GRIK1: variants seen among roughly 807,000 people sequenced by gnomAD.
GRIK1 encodes glutamate ionotropic receptor kainate type subunit 1, also known as glutamate receptor ionotropic, kainate 1.
Under a neutral mutation model 105.7 loss-of-function variants are expected in GRIK1, and 69 were observed. The ratio of observed to expected loss-of-function variants is 0.65; its 90% CI spans 0.54 to 0.80. The LOEUF (loss-of-function observed/expected upper bound fraction) is 0.80. Among genes scored for constraint, GRIK1 ranks in the 30% least tolerant of loss-of-function variants. The pLI is 0.00. For synonymous variants in GRIK1, 438 were observed against 431.3 expected (o/e 1.02, Z -0.19); for missense variants, 1,109 against 1,167.3 (o/e 0.95, Z 0.73).
At chr21:29,890,240 C>T (rs1415523726) in intron 1 of GRIK1, among the ~76,000 whole-genome samples, 1 of 152,122 alleles carries the variant, frequency 6.6e-6, no homozygotes, top group East Asian at 1.9e-4. Context: ...AACTGATAAA[C>T]TTCTTTTTAC....
intron 1 of GRIK1, among the ~76,000 whole-genome samples, chr21:29,888,792 A>T (rs1388303461): frequency 6.6e-6 from 1 of 152,190 alleles, no homozygotes; most frequent in Non-Finnish European, 1.5e-5. Context: ...TCACCAAAGA[A>T]ATCCACCATC....
chr21:29,581,276 C>G (rs761516027), intron 13 of GRIK1, 149 bp downstream of exon 13: 8 of 620,514 alleles, frequency 1.3e-5, no homozygotes, highest in Non-Finnish European at 2.3e-5. Flanking sequence ...GCTTCATCTT[C>G]AAAACCGGCT....
intron 4 of GRIK1, among the ~76,000 whole-genome samples, chr21:29,666,486 A>G (rs1246291648): frequency 1.3e-5 from 2 of 152,212 alleles, no homozygotes; most frequent in Admixed American, 1.3e-4. Context: ...CAAGCACTGG[A>G]TAATTTTACA....
chr21:29,693,951 T>G lies in GRIK1; in HGVS notation c.231A>C (p.Leu77Phe). The change falls in exon 2 of 18, where the codon TTA becomes TTC. Residue 77 changes from leucine (L) to phenylalanine (F), a missense_variant. By Grantham distance (22) the Leu-to-Phe change is conservative. Transcript: ENST00000327783. ...RNRTLMPNTT[L>F]TYDIQRINLF... Reference sequence around the variant, plus strand: ...GGTTAATTCTCTGGATGTCATAGGTTAATGTGGTGTTAGGCATCAGGGTTC... The same window carrying G: ...GGTTAATTCTCTGGATGTCATAGGTGAATGTGGTGTTAGGCATCAGGGTTC... 6.2e-7 allele frequency: 1 copy of G among 1,613,032 alleles called. No individual in the cohort carries two copies. Among genetic ancestry groups the G allele is most frequent in the Non-Finnish European group, 8.5e-7 (1 of 1,179,052 alleles).
intron 1 of GRIK1, among the ~76,000 whole-genome samples, chr21:29,776,262 G>T (rs995732604): frequency 2.0e-5 from 3 of 152,140 alleles, no homozygotes; most frequent in African/African-American, 7.2e-5. Context: ...CCATATCAAT[G>T]ATTTACCTTT....
chr21:29,719,837 A>G (rs55713438), intron 1 of GRIK1, among the ~76,000 whole-genome samples: 6,557 of 152,322 alleles, frequency 0.043, 202 homozygotes, highest in Non-Finnish European at 0.066. Flanking sequence ...CAAGGCTCCT[A>G]TGCAATTTGG....
chr21:29,627,721 G>A (rs976240896), intron 7 of GRIK1, among the ~76,000 whole-genome samples: 22 of 152,188 alleles, frequency 1.4e-4, no homozygotes, highest in African/African-American at 5.3e-4. Context: ...CTATTGGCCT[G>A]TGAATGTGCA....
chr21:29,925,790 G>A (rs1324949761), intron 1 of GRIK1, among the ~76,000 whole-genome samples: 3 of 152,098 alleles, frequency 2.0e-5, no homozygotes, highest in African/African-American at 7.2e-5. Context: ...CAAATGGTGG[G>A]CTGCCTTCCT....
In GRIK1 at chr21:29,786,488, T is replaced by C. The variant is rs1240574497; in HGVS notation, c.119-92425A>G. On this transcript the variant is annotated intron_variant, in intron 1 of 17. Transcript: ENST00000327783. ...CCTTCGACCCTCTACACCCCTATTC[T>C]AAATTCTATTACTGTAGTTATATTT... Among the ~76,000 whole-genome samples the C allele has an allele frequency of 3.9e-5, 6 of 152,342 alleles. No homozygotes were observed. In the South Asian group the frequency reaches 6.2e-4, roughly 16 times the overall value.
At chr21:29,874,557 T>A (rs560500282) in intron 1 of GRIK1, among the ~76,000 whole-genome samples, 2 of 152,304 alleles carry the variant, frequency 1.3e-5, no homozygotes, top group South Asian at 4.1e-4. Context: ...GCCGCTCACC[T>A]CCTGCTGTGC....
At chr21:29,811,575 G>A (rs4817312) in intron 1 of GRIK1, among the ~76,000 whole-genome samples, 3 of 152,194 alleles carry the variant, frequency 2.0e-5, no homozygotes, top group East Asian at 1.9e-4. Flanking sequence ...TAAAGCAGTG[G>A]TTCTCTACCT....
At chr21:29,721,818 A>G (rs967526836) in intron 1 of GRIK1, among the ~76,000 whole-genome samples, 1 of 152,106 alleles carries the variant, frequency 6.6e-6, no homozygotes, top group Non-Finnish European at 1.5e-5. Flanking sequence ...TGCCCCTTCC[A>G]TCTACCCTTC....
At chr21:29,826,974 G>T (rs146662) in intron 1 of GRIK1, among the ~76,000 whole-genome samples, 58,981 of 151,856 alleles carry the variant, frequency 0.39, 12,544 homozygotes, top group East Asian at 0.7. Context: ...GACCACATGC[G>T]TTTATTTCAA....
chr21:29,707,693 C>A (rs567034553), intron 1 of GRIK1, among the ~76,000 whole-genome samples: 1 of 151,872 alleles, frequency 6.6e-6, no homozygotes, highest in South Asian at 2.1e-4. Context: ...CAGGGTTTCA[C>A]CATGTTGGCC....
intron 4 of GRIK1, among the ~76,000 whole-genome samples, chr21:29,658,811 G>A (rs2062905382): frequency 6.6e-6 from 1 of 152,176 alleles, no homozygotes; most frequent in Non-Finnish European, 1.5e-5. Context: ...TTGGGTGGGG[G>A]TATGTGCTGG....
Position 29,587,384 on chromosome 21 carries a change from A to C in GRIK1, c.1775T>G (p.Val592Gly). ...AACTTACCTTGCAATCACAAAGAGT[A>C]CACAGCTGACTCCCAAGCAGGCTAA... The part of the protein sequence containing the change: ...VLLACLGVSC[V>G]LFVIARFTPY... The change falls in exon 12 of 18, where the codon GTA (valine) becomes GGA (glycine). Residue 592 changes from valine (V) to glycine (G), a missense_variant. Coordinates refer to ENST00000327783, the MANE Select transcript of GRIK1 (RefSeq NM_001330994.2). The C allele has an allele frequency of 6.2e-7, 1 of 1,608,818 alleles. No individual in the cohort carries two copies. The highest frequency in any genetic ancestry group is 8.5e-7 in the Non-Finnish European group (1 of 1,175,144).
Position 29,868,025 on chromosome 21 carries a change from AAAGG to A in GRIK1, c.118+71354_118+71357del, listed in dbSNP as rs58785675. Among the ~76,000 whole-genome samples the A allele has an allele frequency of 6.4e-3, 623 of 96,718 alleles. 6 individuals carry two copies. The highest frequency in any genetic ancestry group is 0.011 in the East Asian group (21 of 1,836). 63.5% of individuals were successfully genotyped at this position (96,718 alleles called of 152,430 possible). A position where few individuals can be genotyped will look rare whatever the true frequency, so the allele number is the denominator to read the frequency against. ...AAAGAAAGAAAGAAAAGACAGAAAG[AAAGG>A]AAGGAAGGAAGGAAGGAAGGGAAGG... On this transcript the variant is annotated intron_variant, in intron 1 of 17. Transcript: ENST00000327783.
At chr21:29,899,414 T>C (rs1216796678) in intron 1 of GRIK1, among the ~76,000 whole-genome samples, 1 of 152,234 alleles carries the variant, frequency 6.6e-6, no homozygotes, top group East Asian at 1.9e-4. Flanking sequence ...TAATGGATGT[T>C]TTAAATCCAG....
chr21:29,895,831 G>A (rs1569198571), intron 1 of GRIK1, among the ~76,000 whole-genome samples: 1 of 152,106 alleles, frequency 6.6e-6, no homozygotes, highest in Admixed American at 6.5e-5. Flanking sequence ...CTTAGCCTCG[G>A]GTTTTCACAT....
Sources: allele counts gnomAD v4.1 joint callset (sites outside exome capture counted in the v4.1 genomes callset), GRCh38; gene constraint gnomAD v4.1.1; transcripts MANE v1.5; gene names NCBI Gene and HGNC (gene_info 2026-07-23, HGNC 2026-07-21).